The following PCDH15 variants were observed in gnomAD, a reference collection of about 807,000 sequenced individuals.
PCDH15 encodes protocadherin-15.
Under a neutral mutation model 178.5 loss-of-function variants are expected in PCDH15, and 129 were observed. The ratio of observed to expected loss-of-function variants is 0.72; its 90% confidence interval spans 0.63 to 0.84. The LOEUF (loss-of-function observed/expected upper bound fraction) is 0.84, where lower values mean the gene tolerates loss of function less well. Among genes scored for constraint, PCDH15 ranks in the 40% least tolerant of loss-of-function variants. The pLI is 0.00. For missense variants in PCDH15, 2,230 were observed against 2,099.9 expected (o/e 1.06, Z -1.21); for synonymous variants, 800 against 732.0 (o/e 1.09, Z -1.50).
chr10:55,486,375 A>C (rs1366284396), intron 2 of PCDH15, among the ~76,000 whole-genome samples: 1 of 151,738 alleles, frequency 6.6e-6, no homozygotes, highest in African/African-American at 2.4e-5. Flanking sequence ...TATGAGTTGA[A>C]GAATTTTTTA....
chr10:53,952,133 G>A (rs1333436123), intron 23 of PCDH15, among the ~76,000 whole-genome samples: 7 of 152,290 alleles, frequency 4.6e-5, no homozygotes, highest in East Asian at 1.9e-4. Context: ...GGGCCACTTC[G>A]CTTCTCTTCT....
At chr10:55,075,033 G>T (rs190294833) in intron 2 of PCDH15, among the ~76,000 whole-genome samples, 14 of 152,128 alleles carry the variant, frequency 9.2e-5, no homozygotes, top group Admixed American at 2.0e-4. Flanking sequence ...GTAGATGTGC[G>T]GTCTTACGTC....
rs151153642 is a variant in PCDH15 at position 55,109,234 on chromosome 10, G to A, written c.-80+57342C>T. Reference sequence around the variant, plus strand: ...AGGAACTAAGATTCATAACCACTTCGTGGAGTTTATCGAAGAATGTGTAGT... The same window carrying A: ...AGGAACTAAGATTCATAACCACTTCATGGAGTTTATCGAAGAATGTGTAGT... On this transcript the variant is annotated intron_variant, in intron 2 of 5. Coordinates refer to the PCDH15 transcript ENST00000458638. Among the ~76,000 whole-genome samples the A allele has an allele frequency of 8.2e-3, 1,246 of 152,262 alleles. 15 individuals carry two copies. The highest frequency in any genetic ancestry group is 0.027 in the African/African-American group (1,121 of 41,542).
chr10:54,193,848 C>G (rs186640846), intron 11 of PCDH15, among the ~76,000 whole-genome samples: 3 of 152,128 alleles, frequency 2.0e-5, no homozygotes, highest in Admixed American at 1.3e-4. Flanking sequence ...CTACTGTTTA[C>G]TAACACTGTG....
chr10:54,091,256 GA>G (rs2094596408), intron 15 of PCDH15, among the ~76,000 whole-genome samples: 1 of 152,210 alleles, frequency 6.6e-6, no homozygotes, highest in African/African-American at 2.4e-5. Flanking sequence ...GGATATATCT[GA>G]TAAAGGTTCA....
In PCDH15 at chr10:54,770,472, A is replaced by G. The variant is rs531229445; in HGVS notation, c.-29+30453T>C. ...AAAATCTGAAGGCTGACACTAACAGAGCCATCCTTTTCAGAAAGTACATCC... is the reference window on the plus strand; with the variant it reads ...AAAATCTGAAGGCTGACACTAACAGGGCCATCCTTTTCAGAAAGTACATCC... On this transcript the variant is annotated intron_variant, in intron 1 of 37. Coordinates refer to ENST00000644397, the MANE Select transcript of PCDH15 (RefSeq NM_001384140.1). Among the ~76,000 whole-genome samples, 5 of 152,230 alleles carry G rather than the reference A, an allele frequency of 3.3e-5. No individual in the cohort carries two copies. The South Asian group carries it at 1.0e-3, about 32-fold the overall frequency.
chr10:54,915,079 C>T (rs552006261), intron 2 of PCDH15, among the ~76,000 whole-genome samples: 17 of 152,098 alleles, frequency 1.1e-4, no homozygotes, highest in East Asian at 3.9e-4. Context: ...TAGTATCTAC[C>T]GCAATGATCA....
intron 1 of PCDH15, among the ~76,000 whole-genome samples, chr10:54,720,920 C>T (rs1941496182): frequency 6.6e-6 from 1 of 152,094 alleles, no homozygotes; most frequent in South Asian, 2.1e-4. Flanking sequence ...ACATTTCATC[C>T]TAAACCACAG....
intron 1 of PCDH15, among the ~76,000 whole-genome samples, chr10:55,214,787 T>C (rs1285545948): frequency 2.0e-5 from 3 of 152,006 alleles, no homozygotes; most frequent in Non-Finnish European, 4.4e-5. Flanking sequence ...TTAGATGTTG[T>C]ACCCTGTTTA....
At chr10:53,855,785 A>G (rs918578402) in intron 28 of PCDH15, among the ~76,000 whole-genome samples, 4 of 151,418 alleles carry the variant, frequency 2.6e-5, no homozygotes, top group African/African-American at 4.9e-5. Flanking sequence ...AGAGCTTAAA[A>G]CCTAGACAAC....
At chr10:55,623,632 A>ATT (rs1837456575) in intron 2 of PCDH15, among the ~76,000 whole-genome samples, 1 of 151,618 alleles carries the variant, frequency 6.6e-6, no homozygotes, top group Non-Finnish European at 1.5e-5. Context: ...AATTCAAGAG[A>ATT]TTATATATAC....
At chr10:53,842,975 A>G (rs1355420205) in intron 28 of PCDH15, among the ~76,000 whole-genome samples, 1 of 152,200 alleles carries the variant, frequency 6.6e-6, no homozygotes, top group Non-Finnish European at 1.5e-5. Context: ...GTGAAGAAAC[A>G]TATCTATTGT....
intron 1 of PCDH15, among the ~76,000 whole-genome samples, chr10:55,178,380 T>C (rs1482493121): frequency 6.6e-6 from 1 of 152,132 alleles, no homozygotes; most frequent in Non-Finnish European, 1.5e-5. Flanking sequence ...GGCCACCTCT[T>C]GGGAATACAC....
At chr10:54,946,365 C>T (rs979534171) in intron 2 of PCDH15, among the ~76,000 whole-genome samples, 1 of 151,750 alleles carries the variant, frequency 6.6e-6, no homozygotes, top group Non-Finnish European at 1.5e-5. Context: ...AGTCTCCTCA[C>T]GCCTTAACTG....
chr10:54,972,575 G>A (rs944898031), intron 2 of PCDH15, among the ~76,000 whole-genome samples: 4 of 151,464 alleles, frequency 2.6e-5, no homozygotes, highest in African/African-American at 7.3e-5. Flanking sequence ...CAGGCCATAC[G>A]TGGTGGCTCA....
intron 8 of PCDH15, among the ~76,000 whole-genome samples, chr10:54,262,768 G>A (rs922058534): frequency 6.6e-6 from 1 of 152,208 alleles, no homozygotes; most frequent in African/African-American, 2.4e-5. Flanking sequence ...ACAACGAAAG[G>A]TATGGCCTGA....
intron 2 of PCDH15, among the ~76,000 whole-genome samples, chr10:55,139,661 T>C (rs142507895): frequency 8.5e-5 from 13 of 152,182 alleles, no homozygotes; most frequent in South Asian, 2.1e-4. Context: ...GATCTATTTT[T>C]GTGCCAATCC....
At chr10:54,003,582 A>G (rs2092264077) in intron 20 of PCDH15, among the ~76,000 whole-genome samples, 1 of 152,016 alleles carries the variant, frequency 6.6e-6, no homozygotes, top group Admixed American at 6.6e-5. Context: ...ACATTGAACA[A>G]ACTAGTATCA....
chr10:55,069,977 G>C (rs1841683978), intron 2 of PCDH15, among the ~76,000 whole-genome samples: 1 of 152,062 alleles, frequency 6.6e-6, no homozygotes, highest in African/African-American at 2.4e-5. Context: ...ATTCTAACTG[G>C]TGTGAGATGG....
Sources: gnomAD v4.1 joint callset for allele counts (sites outside exome capture counted in the v4.1 genomes callset) on GRCh38, gnomAD v4.1.1 for gene constraint, MANE v1.5 for transcripts, NCBI Gene and HGNC (gene_info 2026-07-23, HGNC 2026-07-21) for gene names.